GALNT14: variants seen among roughly 807,000 people sequenced by gnomAD.
GALNT14 encodes polypeptide N-acetylgalactosaminyltransferase 14, also known as UDP-GalNAc:polypeptide N-acetylgalactosaminyltransferase 14.
Under a neutral mutation model 77.5 loss-of-function variants are expected in GALNT14, and 60 were observed. The ratio of observed to expected loss-of-function variants is 0.77; its 90% CI spans 0.63 to 0.96. The LOEUF (loss-of-function observed/expected upper bound fraction) is 0.96. GALNT14 is among the 40% of genes least tolerant of loss of function. The pLI is 0.00. For missense variants in GALNT14, 710 were observed against 731.0 expected (o/e 0.97, Z 0.33); for synonymous variants, 280 against 281.7 (o/e 0.99, Z 0.06).
At position 30,952,760 on chromosome 2, in the gene GALNT14, TA is replaced by T. The variant is rs397800006; in HGVS notation, c.654+2857del. Among the ~76,000 whole-genome samples, 938 of 131,606 alleles carry T rather than the reference TA, an allele frequency of 7.1e-3. 2 individuals carry two copies. Among genetic ancestry groups the T allele is most frequent in the East Asian group, 0.021 (98 of 4,598 alleles). The allele number at this position is 131,606 out of a possible 152,430, so 86.3% of individuals were successfully genotyped here. A position where few individuals can be genotyped will look rare whatever the true frequency, so the allele number is the denominator to read the frequency against. ...ATGTACCCTAAAACTTAAAGCATAA[TA>T]AAAAAAAAAAAAAAGAATTTTGGTT... On this transcript the variant is annotated intron_variant, in intron 6 of 14. Coordinates refer to ENST00000349752, the MANE Select transcript of GALNT14 (RefSeq NM_024572.4).
chr2:31,125,234 T>C (rs767555236), intron 1 of GALNT14: 10 of 1,550,430 alleles, frequency 6.4e-6, no homozygotes, highest in Non-Finnish European at 8.7e-6. Context: ...CCCAGCCACC[T>C]TGAAAAACAA....
intron 13 of GALNT14, among the ~76,000 whole-genome samples, chr2:30,919,959 G>A (rs977399470): frequency 1.3e-5 from 2 of 152,128 alleles, no homozygotes; most frequent in African/African-American, 2.4e-5. Flanking sequence ...TACAACCTTC[G>A]TTCATCTTTT....
intron 1 of GALNT14, among the ~76,000 whole-genome samples, chr2:31,123,447 G>A (rs946484063): frequency 2.0e-5 from 3 of 152,098 alleles, no homozygotes; most frequent in Non-Finnish European, 1.5e-5. Context: ...ATAAAAGTGG[G>A]TTGCTCAGCC....
chr2:31,058,535 CA>C lies in GALNT14; in HGVS notation c.130-65529del, dbSNP rs545753603. On this transcript the variant is annotated intron_variant, in intron 1 of 14. Transcript: ENST00000349752. ...GACTAAGGACTCCAAGACCTCTGCCCACAGAAGCACTCAGCAGTCAGTGGGC... is the reference window on the plus strand; with the variant it reads ...GACTAAGGACTCCAAGACCTCTGCCCCAGAAGCACTCAGCAGTCAGTGGGC... 4.6e-5 allele frequency among the ~76,000 whole-genome samples: 7 copies of C among 152,208 alleles called. No homozygotes were observed. The East Asian group carries it at 1.4e-3, about 29-fold the overall frequency.
downstream of GALNT14, among the ~76,000 whole-genome samples, chr2:30,907,834 C>G (rs1478906272): frequency 1.4e-5 from 2 of 145,936 alleles, no homozygotes; most frequent in African/African-American, 2.6e-5. Flanking sequence ...AAAACGAATC[C>G]AGCAGCACAT....
rs1191124746 is a variant in GALNT14 at position 31,072,267 on chromosome 2, A to T, written c.129+65691T>A. ...CTCCTCTCTTTTCTCTCTCTCTCAC[A>T]CACACACACACACATACACACACAC... On this transcript the variant is annotated intron_variant, in intron 1 of 14. Transcript: ENST00000349752. Among the ~76,000 whole-genome samples the T allele has an allele frequency of 7.0e-3, 415 of 59,374 alleles. 3 individuals carry two copies. Among genetic ancestry groups the T allele is most frequent in the African/African-American group, 0.032 (382 of 11,784 alleles). The allele number at this position is 59,374 out of a possible 152,430, so 39.0% of individuals were successfully genotyped here.
chr2:31,074,553 C>T lies in GALNT14; in HGVS notation c.129+63405G>A, dbSNP rs182150060. On this transcript the variant is annotated intron_variant, in intron 1 of 14. Transcript: ENST00000349752. ...GGGCAGCTTACAGGTCTGCCTGGGG[C>T]TAACTGGTTCAGGATGGTCTCAGCT... Among the ~76,000 whole-genome samples the T allele has an allele frequency of 3.1e-3, 465 of 152,204 alleles. 5 individuals carry two copies. Among genetic ancestry groups the T allele is most frequent in the African/African-American group, 0.011 (443 of 41,524 alleles).
intron 1 of GALNT14, among the ~76,000 whole-genome samples, chr2:31,120,312 A>G (rs1344438350): frequency 6.6e-6 from 1 of 152,210 alleles, no homozygotes; most frequent in African/African-American, 2.4e-5. Flanking sequence ...AAATGTTTAT[A>G]CATGTTTACA....
At chr2:30,940,637 TA>T (rs773908372) in intron 9 of GALNT14, among the ~76,000 whole-genome samples, 21 of 152,280 alleles carry the variant, frequency 1.4e-4, no homozygotes, top group African/African-American at 3.1e-4. Context: ...AACAAATCAC[TA>T]ACTATAAGAA....
intron 13 of GALNT14, 85 bp from the exon 14 acceptor site, chr2:30,912,427 A>G: frequency 6.8e-7 from 1 of 1,480,000 alleles, no homozygotes; most frequent in Non-Finnish European, 9.2e-7. Flanking sequence ...GGGTGTGATT[A>G]GCACAGGCTG....
At chr2:30,951,579 T>C (rs747968602) in intron 6 of GALNT14, among the ~76,000 whole-genome samples, 6 of 152,266 alleles carry the variant, frequency 3.9e-5, no homozygotes, top group Non-Finnish European at 7.3e-5. Flanking sequence ...AATCATTCAA[T>C]TGCCCACTTT....
intron 3 of GALNT14, 137 bp from the exon 4 acceptor site, chr2:30,958,601 C>T (rs1667506380): frequency 1.5e-6 from 1 of 657,368 alleles, no homozygotes; most frequent in Non-Finnish European, 2.7e-6. Context: ...AGTCATATTG[C>T]TTATCTGTGA....
chr2:31,077,760 C>G (rs1156313427), intron 1 of GALNT14, among the ~76,000 whole-genome samples: 1 of 152,228 alleles, frequency 6.6e-6, no homozygotes, highest in Non-Finnish European at 1.5e-5. Flanking sequence ...ATTTCTCACT[C>G]AATTCTATCA....
chr2:30,924,786 A>C lies in GALNT14; in HGVS notation c.1189T>G (p.Cys397Gly). The change falls in exon 12 of 15, where the codon TGC (cysteine) becomes GGC (glycine). Residue 397 changes from cysteine to glycine, a missense_variant. By Grantham distance (159) the Cys-to-Gly change is radical. Transcript: ENST00000349752. ...SRLDLRKNLR[C>G]QSFKWYLENI... ...TCCAGGTACCACTTGAAGCTCTGGCAGCGCAGATTCTTCCTCAGGTCCAAT... is the reference window on the plus strand; with the variant it reads ...TCCAGGTACCACTTGAAGCTCTGGCCGCGCAGATTCTTCCTCAGGTCCAAT... 1 of 1,614,132 alleles carries C rather than the reference A, an allele frequency of 6.2e-7. No individual in the cohort carries two copies. The highest frequency in any genetic ancestry group is 8.5e-7 in the Non-Finnish European group (1 of 1,180,022).
intron 9 of GALNT14, among the ~76,000 whole-genome samples, chr2:30,938,441 C>G (rs1666192077): frequency 6.6e-6 from 1 of 151,304 alleles, no homozygotes; most frequent in African/African-American, 2.4e-5. Context: ...AGACCAAAAG[C>G]TAAAAGTAGG....
Position 31,089,321 on chromosome 2 carries a change from T to TC in GALNT14, c.129+48636dup, listed in dbSNP as rs543088570. The stretch of plus-strand genomic sequence containing the variant: ...TCGGATCACGTTTGCTTCTTTTGAG[T>TC]CCCCCACAGTACCAATGACATAGTG... On this transcript the variant is annotated intron_variant, in intron 1 of 14. Coordinates refer to ENST00000349752, the MANE Select transcript of GALNT14 (RefSeq NM_024572.4). Among the ~76,000 whole-genome samples, 17 of 152,200 alleles carry TC rather than the reference T, an allele frequency of 1.1e-4. No individual in the cohort carries two copies. The East Asian group carries it at 1.4e-3, about 12-fold the overall frequency.
chr2:31,105,952 T>G (rs897962643), intron 1 of GALNT14, among the ~76,000 whole-genome samples: 3 of 152,178 alleles, frequency 2.0e-5, no homozygotes, highest in African/African-American at 7.2e-5. Context: ...CGGTTCCTAT[T>G]ATCCTCTTTA....
intron 13 of GALNT14, among the ~76,000 whole-genome samples, chr2:30,914,471 C>A (rs1270214277): frequency 1.3e-5 from 2 of 152,148 alleles, no homozygotes; most frequent in Admixed American, 6.5e-5. Context: ...CCAATGACAA[C>A]CTTTATGAAA....
At chr2:31,101,767 C>T (rs1677289428) in intron 1 of GALNT14, among the ~76,000 whole-genome samples, 1 of 151,938 alleles carries the variant, frequency 6.6e-6, no homozygotes, top group Non-Finnish European at 1.5e-5. Flanking sequence ...GTGTTCCCAC[C>T]CAAATTTCAT....
Sources: gnomAD v4.1 joint callset for allele counts (sites outside exome capture counted in the v4.1 genomes callset) on GRCh38, gnomAD v4.1.1 for gene constraint, MANE v1.5 for transcripts, NCBI Gene and HGNC (gene_info 2026-07-23, HGNC 2026-07-21) for gene names.